Variants in CYRIB observed in about 807,000 individuals in gnomAD.
CYRIB encodes CYFIP related Rac1 interactor B.
CYRIB carries 8 observed loss-of-function variants against 44.2 expected under a neutral mutation model. The ratio of observed to expected loss-of-function variants is 0.18; its 90% CI spans 0.11 to 0.33. The LOEUF (loss-of-function observed/expected upper bound fraction) is 0.33. Among genes scored for constraint, CYRIB ranks in the 10% least tolerant of loss-of-function variants. The pLI is 1.00. For synonymous variants in CYRIB, 131 were observed against 127.2 expected, an observed-to-expected ratio of 1.03 and a Z score of -0.20; for missense variants, 185 against 382.8, an observed-to-expected ratio of 0.48 and a Z score of 4.31.
At position 129,859,538 on chromosome 8, in the gene CYRIB, G is replaced by A. The variant is rs548002914; in HGVS notation, c.301+2691C>T. Among the ~76,000 whole-genome samples the A allele has an allele frequency of 4.6e-5, 7 of 152,222 alleles. No homozygotes were observed. The East Asian group carries it at 1.2e-3, about 25-fold the overall frequency. The stretch of plus-strand genomic sequence containing the variant: ...GTTTTTCCTTGACACTGAGGCTACC[G>A]CTAGACCACAGTCCGCTTGGCAACG... On this transcript the variant is annotated intron_variant, in intron 5 of 11. Coordinates refer to ENST00000519824, the Ensembl canonical transcript of CYRIB.
At position 129,913,083 on chromosome 8, in the gene CYRIB, G is replaced by A. The variant is rs147111773; in HGVS notation, c.-49-9733C>T. On this transcript the variant is annotated intron_variant, in intron 1 of 11. Coordinates refer to ENST00000519824, the Ensembl canonical transcript of CYRIB. ...GCCTCCTGGGATCACATCATTCTCC[G>A]GCCTCAGCCTCCCACGTAGCTGGGA... 6.2e-3 allele frequency among the ~76,000 whole-genome samples: 920 copies of A among 148,834 alleles called. 10 individuals carry two copies. Among genetic ancestry groups the A allele is most frequent in the African/African-American group, 0.021 (866 of 40,616 alleles).
chr8:129,872,130 T>C (rs1195215934), intron 3 of CYRIB, among the ~76,000 whole-genome samples: 5 of 152,126 alleles, frequency 3.3e-5, no homozygotes, highest in Non-Finnish European at 7.4e-5. Flanking sequence ...ATCACTGAAC[T>C]ATTCTGCTGA....
rs1369467510 is a variant in CYRIB, at chr8:130,002,517, T to C, written c.-296+13853A>G. 6.6e-5 allele frequency among the ~76,000 whole-genome samples: 10 copies of C among 151,746 alleles called. 1 individual carries two copies. Among genetic ancestry groups the C allele is most frequent in the Admixed American group, 6.6e-4 (10 of 15,230 alleles). ...GGGAGAAGGGAAGGTTTTCTTACAA[T>C]AAAAGTAACATAATCACATTAGAAA... On this transcript the variant is annotated intron_variant, in intron 1 of 14. Transcript: ENST00000401979.
chr8:129,985,013 G>T (rs956097256), intron 1 of CYRIB, among the ~76,000 whole-genome samples: 1 of 152,032 alleles, frequency 6.6e-6, no homozygotes, highest in East Asian at 1.9e-4. Context: ...TCAGGTGATC[G>T]CCTGCCTCGG....
At chr8:129,877,927 A>T (rs1374775272) in intron 3 of CYRIB, among the ~76,000 whole-genome samples, 1 of 152,130 alleles carries the variant, frequency 6.6e-6, no homozygotes, top group South Asian at 2.1e-4. Context: ...AAAAGACACA[A>T]GACCAAGTTT....
intron 1 of CYRIB, among the ~76,000 whole-genome samples, chr8:129,981,980 A>T (rs965191579): frequency 6.6e-6 from 1 of 152,212 alleles, no homozygotes; most frequent in Non-Finnish European, 1.5e-5. Flanking sequence ...TCGAGTGGGC[A>T]TTCCTCTTTG....
At chr8:129,947,992 CT>C (rs1449143701) in intron 2 of CYRIB, 3 of 152,210 alleles carry the variant, frequency 2.0e-5, no homozygotes, top group African/African-American at 7.2e-5. Flanking sequence ...GCACTTCCCC[CT>C]TGCCAAGCTT....
rs191179312 is a variant in CYRIB, at chr8:129,980,617, T to C, written c.-295-9622A>G. 7.1e-3 allele frequency among the ~76,000 whole-genome samples: 1,071 copies of C among 151,608 alleles called. 9 individuals are homozygous for C. The highest frequency in any genetic ancestry group is 0.011 in the Non-Finnish European group (774 of 67,888). On this transcript the variant is annotated intron_variant, in intron 1 of 14. Transcript: ENST00000401979. ...AGGCGGAGGTTGCAGTGAGCCAAGA[T>C]TGTGCCACTGCACTCCAGCCTGGGC...
intron 1 of CYRIB, among the ~76,000 whole-genome samples, chr8:129,982,884 G>C (rs2096292202): frequency 6.6e-6 from 1 of 152,020 alleles, no homozygotes; most frequent in Non-Finnish European, 1.5e-5. Context: ...CTGTCACCAA[G>C]CCACTACAGA....
intron 1 of CYRIB, among the ~76,000 whole-genome samples, chr8:130,013,332 T>G (rs1477328900): frequency 6.6e-6 from 1 of 152,140 alleles, no homozygotes; most frequent in African/African-American, 2.4e-5. Context: ...ACACGAGCAG[T>G]GAGAAAGAAA....
chr8:129,901,884 A>C (rs298616), intron 2 of CYRIB: 1 of 152,024 alleles, frequency 6.6e-6, no homozygotes, highest in Non-Finnish European at 1.5e-5. Context: ...TATTAATGTA[A>C]GAAGCACACA....
chr8:129,911,622 A>G (rs1332740347), intron 1 of CYRIB, among the ~76,000 whole-genome samples: 2 of 152,104 alleles, frequency 1.3e-5, no homozygotes, highest in Non-Finnish European at 2.9e-5. Context: ...CAACATGGTG[A>G]AACCCTGTCC....
intron 1 of CYRIB, among the ~76,000 whole-genome samples, chr8:129,998,056 G>A (rs1042923041): frequency 2.7e-5 from 4 of 150,368 alleles, no homozygotes; most frequent in African/African-American, 9.9e-5. Context: ...GGGAGGCAGA[G>A]GTTGCAGTGA....
rs192462485 is a variant in CYRIB, at chr8:129,861,736, C to T, written c.301+493G>A. The stretch of plus-strand genomic sequence containing the variant: ...CAAGTGTTGGGATTACAGAAATGAG[C>T]AAGCACACCCAGCCTATTTCTCATC... On this transcript the variant is annotated intron_variant, in intron 5 of 11. Transcript: ENST00000519824. Among the ~76,000 whole-genome samples the T allele has an allele frequency of 1.4e-3, 220 of 151,986 alleles. 4 individuals are homozygous for T. The South Asian group carries it at 0.029, about 20-fold the overall frequency.
intron 11 of CYRIB, among the ~76,000 whole-genome samples, chr8:129,846,301 G>A (rs188808029): frequency 6.6e-6 from 1 of 152,214 alleles, no homozygotes; most frequent in East Asian, 1.9e-4. Flanking sequence ...TCTATTAAGA[G>A]GAAAGAGCTA....
intron 1 of CYRIB, among the ~76,000 whole-genome samples, chr8:129,905,453 G>A (rs554503651): frequency 1.3e-4 from 20 of 152,264 alleles, no homozygotes; most frequent in African/African-American, 4.6e-4. Flanking sequence ...TCCCGATGTC[G>A]TGATCTGCCC....
chr8:129,904,078 A>G (rs903482711), intron 1 of CYRIB, among the ~76,000 whole-genome samples: 49 of 152,184 alleles, frequency 3.2e-4, no homozygotes, highest in African/African-American at 1.1e-3. Context: ...CAAACACACA[A>G]TTTTAGGTAA....
rs532925602 is a variant in CYRIB at position 129,931,062 on chromosome 8, C to T, written c.-50+8546G>A. 1.6e-4 allele frequency among the ~76,000 whole-genome samples: 24 copies of T among 151,644 alleles called. No homozygotes were observed. The South Asian group carries it at 4.1e-3, about 26-fold the overall frequency. On this transcript the variant is annotated intron_variant, in intron 1 of 11. Transcript: ENST00000519824. ...TTCAGCAAGTTAGCTTTCAAAATAACATTTTTACAAGACTTGTTTACAGAA... is the reference window on the plus strand; with the variant it reads ...TTCAGCAAGTTAGCTTTCAAAATAATATTTTTACAAGACTTGTTTACAGAA...
intron 2 of CYRIB, among the ~76,000 whole-genome samples, chr8:129,960,053 T>C (rs1287998548): frequency 6.6e-6 from 1 of 152,266 alleles, no homozygotes; most frequent in African/African-American, 2.4e-5. Flanking sequence ...ACTTAACTGC[T>C]TTTATCAATT....
Sources: allele counts gnomAD v4.1 joint callset (sites outside exome capture counted in the v4.1 genomes callset), GRCh38; gene constraint gnomAD v4.1.1; transcripts MANE v1.5; gene names NCBI Gene and HGNC (gene_info 2026-07-23, HGNC 2026-07-21).